Variants in ZNF683 observed in about 807,000 individuals in gnomAD.
ZNF683 encodes tissue-resident T-cell transcription regulator protein ZNF683.
In ZNF683, 20 loss-of-function variants were observed where a neutral mutation model predicts 31.4. The ratio of observed to expected loss-of-function variants is 0.64; its 90% confidence interval spans 0.45 to 0.93. The LOEUF is 0.93. Among genes scored for constraint, ZNF683 ranks in the 40% least tolerant of loss-of-function variants. The pLI is 0.00. For synonymous variants in ZNF683, 264 were observed against 267.6 expected (o/e 0.99, Z 0.13); for missense variants, 621 against 637.2 (o/e 0.97, Z 0.27).
At chr1:26,374,462 G>A, upstream of ZNF683, 14 of 1,140,060 alleles carry the variant, frequency 1.2e-5, no homozygotes, top group Non-Finnish European at 1.6e-5. Context: ...GGTGGGCTGA[G>A]GACAGACTCC....
At chr1:26,372,397 G>T in intron 1 of ZNF683, 1 of 1,085,126 alleles carries the variant, frequency 9.2e-7, no homozygotes, top group Non-Finnish European at 1.2e-6. Context: ...GAGTCTTGAG[G>T]GAGGCAAAAG....
intron 5 of ZNF683, among the ~76,000 whole-genome samples, chr1:26,362,622 C>T (rs1490806952): frequency 7.2e-5 from 11 of 152,116 alleles, no homozygotes; most frequent in African/African-American, 2.7e-4. Flanking sequence ...TCATTTCTGC[C>T]CCTGTAAAAT....
intron 1 of ZNF683, chr1:26,370,725 C>T: frequency 6.1e-6 from 6 of 985,566 alleles, no homozygotes; most frequent in South Asian, 4.7e-5. Flanking sequence ...GGCAGCCAGG[C>T]CACAGCTGCC....
At chr1:26,371,747 C>T (rs553051022) in intron 1 of ZNF683, among the ~76,000 whole-genome samples, 1 of 151,890 alleles carries the variant, frequency 6.6e-6, no homozygotes, top group East Asian at 1.9e-4. Flanking sequence ...GCATGAGCAA[C>T]ATGGTGAAAC....
At position 26,364,709 on chromosome 1, in the gene ZNF683, G is replaced by A. The variant is rs1463189532; in HGVS notation, c.837C>T (p.Ala279=). 1.9e-6 allele frequency: 3 copies of A among 1,613,936 alleles called. No individual in the cohort carries two copies. The highest frequency in any genetic ancestry group is 2.2e-5 in the East Asian group (1 of 44,882). ...SQARNPGAGA[A]PTDSPGLERG... Reference sequence around the variant, plus strand: ...GCTCCAGGCCTGGGGAGTCGGTTGGGGCAGCTCCAGCACCTGGATTTCGGG... The same window carrying A: ...GCTCCAGGCCTGGGGAGTCGGTTGGAGCAGCTCCAGCACCTGGATTTCGGG... The change falls in exon 4 of 6, where the codon GCC becomes GCT. Residue 279 remains alanine (A), a synonymous_variant. Coordinates refer to ENST00000349618, the MANE Select transcript of ZNF683 (RefSeq NM_001114759.3).
chr1:26,361,712 C>T lies in ZNF683; in HGVS notation c.1454G>A (p.Arg485Lys). 6.2e-7 allele frequency: 1 copy of T among 1,614,090 alleles called. No individual in the cohort carries two copies. ...CCCGGCACTGCTCAGGCTCACTGCT[C>T]TTGCTTTCCCCTGGGATGTCGAGGA... Reference protein sequence around the residue: ...KVSSTSQGKARAVSLSSAGTP... With the variant: ...KVSSTSQGKAKAVSLSSAGTP... Residue 485 changes from arginine to lysine, a missense_variant, in exon 6 of 6, where the codon AGA (arginine) becomes AAA (lysine). Coordinates refer to ENST00000349618, the MANE Select transcript of ZNF683 (RefSeq NM_001114759.3).
chr1:26,364,094 T>C (rs1034560489), intron 4 of ZNF683, among the ~76,000 whole-genome samples: 2 of 152,212 alleles, frequency 1.3e-5, no homozygotes, highest in African/African-American at 2.4e-5. Flanking sequence ...CATCGGACTG[T>C]GGTCTAGACT....
chr1:26,369,861 G>A (rs1262827548), intron 1 of ZNF683, among the ~76,000 whole-genome samples: 4 of 152,034 alleles, frequency 2.6e-5, no homozygotes, highest in Non-Finnish European at 4.4e-5. Context: ...GGGTGTAGTA[G>A]CCTGTGCCTG....
At position 26,363,131 on chromosome 1, in the gene ZNF683, T is replaced by A; in HGVS notation, c.1038A>T (p.Gly346=). 2 of 1,612,292 alleles carry A rather than the reference T, an allele frequency of 1.2e-6. No individual in the cohort carries two copies. Among genetic ancestry groups the A allele is most frequent in the Non-Finnish European group, 1.7e-6 (2 of 1,179,008 alleles). ...ACAAGGCACACTGGAATGGACGCTC[T>A]CCACTGTGCACACGCAGGTGGACCT... ...NLKVHLRVHS[G]ERPFQCALCQ... is the part of the protein sequence containing the mutation. The change falls in exon 5 of 6, where the codon GGA becomes GGT. Residue 346 remains glycine, a synonymous_variant. Coordinates refer to ENST00000349618, the MANE Select transcript of ZNF683 (RefSeq NM_001114759.3).
rs751108472 is a variant in ZNF683, at chr1:26,368,446, G to C, written c.114+12C>G. ...GACTACCCACAAAGGTAAGGCTGGG[G>C]TTCTACCTTACCTGGTCACCTCGGA... On this transcript the variant is annotated intron_variant, in intron 2 of 5. Transcript: ENST00000349618. 6.4e-7 allele frequency: 1 copy of C among 1,565,138 alleles called. No individual in the cohort carries two copies. The highest frequency in any genetic ancestry group is 1.4e-5 in the African/African-American group (1 of 72,774).
chr1:26,373,993 A>G (rs1190330280), upstream of ZNF683, among the ~76,000 whole-genome samples: 6 of 152,124 alleles, frequency 3.9e-5, no homozygotes, highest in Non-Finnish European at 8.8e-5. Flanking sequence ...TCTCTTGGCC[A>G]TGTCAGCTTC....
upstream of ZNF683, among the ~76,000 whole-genome samples, chr1:26,374,078 C>T (rs1465116471): frequency 4.6e-5 from 7 of 151,778 alleles, no homozygotes; most frequent in Admixed American, 3.9e-4. Context: ...CAGTCCTTCC[C>T]CCAACTCCTC....
chr1:26,361,851 G>T lies in ZNF683; in HGVS notation c.1315C>A (p.Gln439Lys). Residue 439 changes from glutamine to lysine, a missense_variant, in exon 6 of 6, where the codon CAG (glutamine) becomes AAG (lysine). By Grantham distance (53) the Gln-to-Lys change is moderately conservative. Coordinates refer to ENST00000349618, the MANE Select transcript of ZNF683 (RefSeq NM_001114759.3). ...CAGGCCAGAGAGGCCAGGGGCAGCT[G>T]GGTGTGCACCAGGCCACAGGGCTGT... The part of the protein sequence containing the change: ...APQPCGLVHT[Q>K]LPLASLACLA... 1.2e-6 allele frequency: 2 copies of T among 1,614,022 alleles called. No individual in the cohort carries two copies. The highest frequency in any genetic ancestry group is 2.2e-5 in the East Asian group (1 of 44,886).
intron 5 of ZNF683, among the ~76,000 whole-genome samples, chr1:26,362,394 G>T (rs910861103): frequency 2.6e-5 from 4 of 152,160 alleles, no homozygotes; most frequent in South Asian, 2.1e-4. Flanking sequence ...TTTACAGGGG[G>T]CTGCCACATG....
rs770674604 is a variant in ZNF683 at position 26,364,922 on chromosome 1, A to G, written c.624T>C (p.Tyr208=). 2.6e-6 allele frequency: 4 copies of G among 1,550,974 alleles called. No individual in the cohort carries two copies. Among genetic ancestry groups the G allele is most frequent in the Non-Finnish European group, 3.5e-6 (4 of 1,152,368 alleles). ...GACATTGGTCAGAAGGTAGGGCCCC[A>G]TAGGTGAACAGGTGGGGTGGAGGCA... ...LLLPPPHLFT[Y]GALPSDQCPH... Residue 208 remains tyrosine, a synonymous_variant, in exon 4 of 6, where the codon TAT becomes TAC. Transcript: ENST00000349618.
Position 26,367,781 on chromosome 1 carries a change from C to G in ZNF683, c.131G>C (p.Arg44Thr). ...FRGDQVFSAC[R>T]PLPDMVDAHG... Reference sequence around the variant, plus strand: ...AGCATCCACCATGTCTGGAAGTGGTCTGCAGGCTGAGAAGACCTGGAGGGC... The same window carrying G: ...AGCATCCACCATGTCTGGAAGTGGTGTGCAGGCTGAGAAGACCTGGAGGGC... Residue 44 changes from arginine (R) to threonine (T), a missense_variant, in exon 3 of 6, where the codon AGA becomes ACA. Transcript: ENST00000349618. 6.3e-7 allele frequency: 1 copy of G among 1,595,674 alleles called. No homozygotes were observed. The highest frequency in any genetic ancestry group is 1.1e-5 in the South Asian group (1 of 88,470).
intron 1 of ZNF683, among the ~76,000 whole-genome samples, chr1:26,371,699 A>C (rs2074673707): frequency 6.6e-6 from 1 of 152,116 alleles, no homozygotes; most frequent in East Asian, 1.9e-4. Flanking sequence ...TGGGAGGCTG[A>C]GGTGGGCCAA....
rs373112907 is a variant in ZNF683, at chr1:26,364,627, C to G, written c.919G>C (p.Ala307Pro). The change falls in exon 4 of 6, where the codon GCA becomes CCA. Residue 307 changes from alanine (A) to proline (P), a missense_variant. By Grantham distance (27) the Ala-to-Pro change is conservative. Transcript: ENST00000349618. ...RVPLSSQTGT[A>P]ALPYPLKKKN... ...TTTTTCAGCGGGTAAGGCAAGGCTG[C>G]GGTGCCTGTCTGGGAACTCAATGGG... is the stretch of plus-strand genomic sequence containing the variant. The G allele has an allele frequency of 6.2e-7, 1 of 1,613,868 alleles. No individual in the cohort carries two copies. Among genetic ancestry groups the G allele is most frequent in the Non-Finnish European group, 8.5e-7 (1 of 1,179,902 alleles).
At position 26,363,115 on chromosome 1, in the gene ZNF683, ACT is replaced by A; in HGVS notation, c.1052_1053del (p.Gln351LeufsTer41). Reference protein sequence around the residue: ...LRVHSGERPFQCALCQKSFTQ... With the variant: ...LRVHSGERPFXCALCQKSFTQ... Reference sequence around the variant, plus strand: ...GTGAAGCTCTTCTGGCACAAGGCACACTGGAATGGACGCTCTCCACTGTGCAC... The same window carrying A: ...GTGAAGCTCTTCTGGCACAAGGCACAGGAATGGACGCTCTCCACTGTGCAC... On this transcript the variant is annotated frameshift_variant, in exon 5 of 6. Coordinates refer to ENST00000349618, the MANE Select transcript of ZNF683 (RefSeq NM_001114759.3). LOFTEE classifies it high-confidence loss of function. The A allele has an allele frequency of 6.2e-7, 1 of 1,612,672 alleles. No individual in the cohort carries two copies. Among genetic ancestry groups the A allele is most frequent in the Non-Finnish European group, 8.5e-7 (1 of 1,179,342 alleles).
Sources: gnomAD v4.1 joint callset for allele counts (sites outside exome capture counted in the v4.1 genomes callset) on GRCh38, gnomAD v4.1.1 for gene constraint, MANE v1.5 for transcripts, NCBI Gene and HGNC (gene_info 2026-07-23, HGNC 2026-07-21) for gene names.